CYP2C19: variants seen among roughly 807,000 people sequenced by gnomAD.
CYP2C19 encodes cytochrome P450 2C19.
In CYP2C19, 59 loss-of-function variants were observed where a neutral mutation model predicts 40.9. That is an observed-to-expected ratio of 1.44 (90% CI 1.17 to 1.79). The LOEUF (loss-of-function observed/expected upper bound fraction) is 1.79. Ranked by LOEUF, CYP2C19 falls within the 40% of genes most tolerant of loss-of-function variation. CYP2C19 has a pLI of 0.00. For synonymous variants in CYP2C19, 253 were observed against 208.7 expected (o/e 1.21, Z -1.83); for missense variants, 754 against 596.9 (o/e 1.26, Z -2.74).
At chr10:94,770,860 G>A (rs906968915) in intron 1 of CYP2C19, among the ~76,000 whole-genome samples, 2 of 152,092 alleles carry the variant, frequency 1.3e-5, no homozygotes, top group African/African-American at 4.8e-5. Context: ...GTCCCAGTGG[G>A]GATCCATACT....
At chr10:94,823,295 G>A (rs1189413001) in intron 6 of CYP2C19, among the ~76,000 whole-genome samples, 1 of 152,112 alleles carries the variant, frequency 6.6e-6, no homozygotes, top group Non-Finnish European at 1.5e-5. Context: ...CAAGAAAAAG[G>A]AGGCTTACTC....
chr10:94,798,109 C>G (rs1265130271), intron 5 of CYP2C19, among the ~76,000 whole-genome samples: 1 of 152,094 alleles, frequency 6.6e-6, no homozygotes, highest in African/African-American at 2.4e-5. Context: ...ATCTTTTCTG[C>G]TTTCTCTTGT....
At chr10:94,827,838 C>A (rs993367593) in intron 6 of CYP2C19, among the ~76,000 whole-genome samples, 1 of 152,036 alleles carries the variant, frequency 6.6e-6, no homozygotes, top group African/African-American at 2.4e-5. Flanking sequence ...GTTTTGAATG[C>A]ATCCCAGAGA....
At chr10:94,782,403 C>T (rs1848490900) in intron 5 of CYP2C19, among the ~76,000 whole-genome samples, 1 of 152,020 alleles carries the variant, frequency 6.6e-6, no homozygotes, top group African/African-American at 2.4e-5. Flanking sequence ...ATAAAAACAA[C>T]AATGAGATAC....
At chr10:94,815,512 C>T (rs1848988950) in intron 5 of CYP2C19, among the ~76,000 whole-genome samples, 2 of 152,220 alleles carry the variant, frequency 1.3e-5, no homozygotes, top group South Asian at 2.1e-4. Flanking sequence ...TATTCCTCAT[C>T]CATTGCTTCC....
At chr10:94,818,945 A>C (rs1324551849) in intron 5 of CYP2C19, among the ~76,000 whole-genome samples, 1 of 151,952 alleles carries the variant, frequency 6.6e-6, no homozygotes, top group Non-Finnish European at 1.5e-5. Context: ...CATTTTTTTC[A>C]GCACCACACC....
chr10:94,802,730 C>T (rs1424290781), intron 5 of CYP2C19, among the ~76,000 whole-genome samples: 1 of 152,064 alleles, frequency 6.6e-6, no homozygotes. Flanking sequence ...ACCAATTTTT[C>T]CTTTCCATAT....
chr10:94,791,256 A>C (rs1473788101), intron 5 of CYP2C19, among the ~76,000 whole-genome samples: 2 of 151,190 alleles, frequency 1.3e-5, no homozygotes, highest in Admixed American at 1.3e-4. Flanking sequence ...ATTCTTCTCT[A>C]TTTTCTCCTT....
chr10:94,847,918 G>T (rs1005156579), intron 7 of CYP2C19, among the ~76,000 whole-genome samples: 26 of 152,180 alleles, frequency 1.7e-4, no homozygotes, highest in African/African-American at 5.1e-4. Context: ...ACTTTTTGAT[G>T]CGGTTGTTTG....
At chr10:94,817,826 A>C (rs1166914261) in intron 5 of CYP2C19, among the ~76,000 whole-genome samples, 1 of 151,848 alleles carries the variant, frequency 6.6e-6, no homozygotes, top group Non-Finnish European at 1.5e-5. Flanking sequence ...ATCCTGGCTA[A>C]AACGGTGAAA....
At chr10:94,833,226 C>G (rs550260976) in intron 6 of CYP2C19, among the ~76,000 whole-genome samples, 4 of 152,076 alleles carry the variant, frequency 2.6e-5, no homozygotes, top group African/African-American at 9.6e-5. Context: ...TGACTTATTC[C>G]TTTCTAATGT....
At chr10:94,776,479 A>G (rs1848409387) in intron 3 of CYP2C19, 1 of 152,148 alleles carries the variant, frequency 6.6e-6, no homozygotes, top group African/African-American at 2.4e-5. Flanking sequence ...CTGTTTTCCA[A>G]ATGAAGTGAA....
chr10:94,844,693 ACCCTG>A (rs1849545637), intron 7 of CYP2C19, among the ~76,000 whole-genome samples: 1 of 152,232 alleles, frequency 6.6e-6, no homozygotes, highest in African/African-American at 2.4e-5. Flanking sequence ...TATGGGGCTT[ACCCTG>A]AGGTCACTGA....
In CYP2C19 at chr10:94,780,525, C is replaced by T. The variant is rs1848465466; in HGVS notation, c.508C>T (p.Leu170=). The change falls in exon 4 of 9, where the codon CTG becomes TTG. Residue 170 remains leucine (L), a synonymous_variant. Coordinates refer to ENST00000371321, the MANE Select transcript of CYP2C19 (RefSeq NM_000769.4). ...KASPCDPTFI[L]GCAPCNVICS... ...TTCACCCTGTGATCCCACTTTCATCCTGGGCTGTGCTCCCTGCAATGTGAT... is the reference window on the plus strand; with the variant it reads ...TTCACCCTGTGATCCCACTTTCATCTTGGGCTGTGCTCCCTGCAATGTGAT... 1.9e-6 allele frequency: 3 copies of T among 1,613,724 alleles called. No individual in the cohort carries two copies. The highest frequency in any genetic ancestry group is 2.5e-6 in the Non-Finnish European group (3 of 1,179,902).
rs1211155501 is a variant in CYP2C19 at position 94,852,729 on chromosome 10, T to G, written c.1292-4T>G. On this transcript the variant is annotated splice_region_variant and splice_polypyrimidine_tract_variant and intron_variant, in intron 8 of 8. Coordinates refer to ENST00000371321, the MANE Select transcript of CYP2C19 (RefSeq NM_000769.4). ...TAACTTCTCCCTATGTTTGTTATTT[T>G]CAGGAAAACGGATTTGTGTGGGAGA... 1.2e-6 allele frequency: 2 copies of G among 1,613,634 alleles called. No homozygotes were observed. Among genetic ancestry groups the G allele is most frequent in the Non-Finnish European group, 1.7e-6 (2 of 1,179,880 alleles).
chr10:94,763,084 C>A (rs1003311074), intron 1 of CYP2C19, among the ~76,000 whole-genome samples: 5 of 152,124 alleles, frequency 3.3e-5, no homozygotes, highest in African/African-American at 1.2e-4. Context: ...TAGGTCTTTG[C>A]ATGTTAAATT....
intron 6 of CYP2C19, among the ~76,000 whole-genome samples, chr10:94,828,172 A>T (rs1448232013): frequency 6.6e-6 from 1 of 152,138 alleles, no homozygotes; most frequent in Non-Finnish European, 1.5e-5. Flanking sequence ...GTAGATGCCT[A>T]TTAGGTCCGC....
intron 7 of CYP2C19, among the ~76,000 whole-genome samples, chr10:94,848,104 G>A (rs960888541): frequency 1.3e-5 from 2 of 152,070 alleles, no homozygotes; most frequent in Non-Finnish European, 2.9e-5. Flanking sequence ...TGTCAATTTT[G>A]GCTTTTGTTG....
At chr10:94,787,205 A>G (rs1408620125) in intron 5 of CYP2C19, among the ~76,000 whole-genome samples, 1 of 152,038 alleles carries the variant, frequency 6.6e-6, no homozygotes, top group African/African-American at 2.4e-5. Context: ...CTGGTATGAG[A>G]TGATATCTCA....
Sources: gnomAD v4.1 joint callset for allele counts (sites outside exome capture counted in the v4.1 genomes callset) on GRCh38, gnomAD v4.1.1 for gene constraint, MANE v1.5 for transcripts, NCBI Gene and HGNC (gene_info 2026-07-23, HGNC 2026-07-21) for gene names.